PTPRM: variants seen among roughly 807,000 people sequenced by gnomAD.
PTPRM encodes the protein protein tyrosine phosphatase receptor type M, also known as receptor-type tyrosine-protein phosphatase mu.
A neutral mutation model predicts 186.7 loss-of-function variants in PTPRM; 47 were observed. The observed-to-expected ratio is 0.25, with a 90% confidence interval of 0.20 to 0.32. The LOEUF (loss-of-function observed/expected upper bound fraction) is 0.32. Ranked by LOEUF, PTPRM falls within the 10% of genes least tolerant of loss-of-function variation. The pLI, the probability that PTPRM is intolerant of heterozygous loss-of-function variation, is 1.00. For synonymous variants in PTPRM, 668 were observed against 674.9 expected (o/e 0.99, Z 0.16); for missense variants, 1,494 against 1,865.0 (o/e 0.80, Z 3.66).
chr18:7,567,946 C>G lies in PTPRM; in HGVS notation c.73+55C>G, dbSNP rs1245718383. On this transcript the variant is annotated intron_variant, in intron 1 of 32. Transcript: ENST00000580170. The surrounding 1 kb of genome is among the most constrained non-coding windows in gnomAD (Gnocchi z 4.3). ...GGCGCGCGGGCCGGCGCGGGACGCCCGGGACGCCGACAGCTCCCTGGTGGT... is the reference window on the plus strand; with the variant it reads ...GGCGCGCGGGCCGGCGCGGGACGCCGGGGACGCCGACAGCTCCCTGGTGGT... 3.3e-6 allele frequency: 5 copies of G among 1,494,838 alleles called. No homozygotes were observed. The highest frequency in any genetic ancestry group is 4.4e-6 in the Non-Finnish European group (5 of 1,128,458). The allele number at this position is 1,494,838 out of a possible 1,614,324, so 92.6% of individuals were successfully genotyped here.
chr18:8,062,095 C>T (rs2088580311), intron 7 of PTPRM, among the ~76,000 whole-genome samples: 1 of 57,438 alleles, frequency 1.7e-5, no homozygotes, highest in Non-Finnish European at 3.5e-5. Context: ...TCAGGTACAC[C>T]AATCAGACGT....
intron 6 of PTPRM, among the ~76,000 whole-genome samples, chr18:7,951,642 A>C (rs1197523628): frequency 6.6e-6 from 1 of 152,190 alleles, no homozygotes; most frequent in African/African-American, 2.4e-5. Flanking sequence ...GCACACTGCC[A>C]CAGCTCATGA....
At chr18:8,028,726 G>A (rs2085739707) in intron 7 of PTPRM, among the ~76,000 whole-genome samples, 1 of 152,164 alleles carries the variant, frequency 6.6e-6, no homozygotes, top group African/African-American at 2.4e-5. Context: ...ACTAGTCTGG[G>A]TAAAAGAAGA....
intron 14 of PTPRM, among the ~76,000 whole-genome samples, chr18:8,198,459 C>T (rs372794247): frequency 2.6e-5 from 4 of 152,066 alleles, no homozygotes; most frequent in East Asian, 3.9e-4. Flanking sequence ...AAAATTTTGC[C>T]GCTGATTTTT....
intron 2 of PTPRM, among the ~76,000 whole-genome samples, chr18:7,842,879 T>C (rs2046401796): frequency 1.2e-5 from 1 of 85,788 alleles, no homozygotes; most frequent in Non-Finnish European, 2.4e-5. Context: ...TATATATGTT[T>C]CTCGTGTGTA....
intron 1 of PTPRM, among the ~76,000 whole-genome samples, chr18:7,606,876 C>T (rs1334643810): frequency 1.3e-5 from 2 of 152,054 alleles, no homozygotes; most frequent in Admixed American, 1.3e-4. Context: ...CCCTGAATTC[C>T]CCAAAAAGCA....
chr18:7,608,769 G>A (rs749490938), intron 1 of PTPRM, among the ~76,000 whole-genome samples: 7 of 152,140 alleles, frequency 4.6e-5, no homozygotes, highest in Non-Finnish European at 8.8e-5. Context: ...AGCTGTCTTC[G>A]GGAAGCTGGA....
At chr18:7,791,725 C>G (rs1026475915) in intron 2 of PTPRM, among the ~76,000 whole-genome samples, 5 of 152,056 alleles carry the variant, frequency 3.3e-5, no homozygotes, top group African/African-American at 1.2e-4. Flanking sequence ...TAAAATGGTC[C>G]TGGTAAATTA....
At chr18:8,156,005 C>T (rs1240660842) in intron 14 of PTPRM, among the ~76,000 whole-genome samples, 1 of 152,212 alleles carries the variant, frequency 6.6e-6, no homozygotes, top group African/African-American at 2.4e-5. Flanking sequence ...TTGCCTAGCA[C>T]ATACTTTGGC....
At chr18:7,943,903 A>G (rs1349816278) in intron 5 of PTPRM, among the ~76,000 whole-genome samples, 7 of 152,166 alleles carry the variant, frequency 4.6e-5, no homozygotes, top group Admixed American at 3.9e-4. Flanking sequence ...GTAAGGTAAC[A>G]TAGTCCCAGA....
chr18:7,965,212 A>G (rs1283505208), intron 7 of PTPRM, among the ~76,000 whole-genome samples: 5 of 151,996 alleles, frequency 3.3e-5, no homozygotes, highest in South Asian at 2.1e-4. Flanking sequence ...CGCCCAGCTA[A>G]TATTTTTGTA....
chr18:8,231,006 C>G (rs908981806), intron 14 of PTPRM, among the ~76,000 whole-genome samples: 2 of 152,188 alleles, frequency 1.3e-5, no homozygotes, highest in Admixed American at 1.3e-4. Context: ...AGTCTAAGCA[C>G]ACACGTAATT....
intron 1 of PTPRM, among the ~76,000 whole-genome samples, chr18:7,717,261 G>C (rs1486661260): frequency 6.6e-6 from 1 of 152,010 alleles, no homozygotes; most frequent in African/African-American, 2.4e-5. Context: ...CCCATCCTCT[G>C]CCCGTAAAAA....
At chr18:8,143,480 C>T (rs747926645) in intron 13 of PTPRM, among the ~76,000 whole-genome samples, 167 bp from the exon 14 acceptor site, 4 of 152,152 alleles carry the variant, frequency 2.6e-5, no homozygotes, top group East Asian at 1.9e-4. Flanking sequence ...TGAACAATTA[C>T]GCTGCTTTCA....
At chr18:7,992,055 AT>A (rs2083294231) in intron 7 of PTPRM, among the ~76,000 whole-genome samples, 1 of 152,196 alleles carries the variant, frequency 6.6e-6, no homozygotes, top group Non-Finnish European at 1.5e-5. Flanking sequence ...CTGTGACTCC[AT>A]TAAGGAACAA....
intron 1 of PTPRM, among the ~76,000 whole-genome samples, chr18:7,666,301 A>T (rs1395194957): frequency 6.6e-6 from 1 of 151,824 alleles, no homozygotes; most frequent in Admixed American, 6.6e-5. Flanking sequence ...AAAGACCTGG[A>T]TTCTTGCTTG....
chr18:8,331,405 C>T (rs558662200), intron 22 of PTPRM, among the ~76,000 whole-genome samples: 3 of 152,242 alleles, frequency 2.0e-5, no homozygotes, highest in South Asian at 2.1e-4. Flanking sequence ...CATATACAAC[C>T]ATGTTTTATG....
intron 14 of PTPRM, among the ~76,000 whole-genome samples, chr18:8,160,729 T>C (rs1052391238): frequency 6.6e-6 from 1 of 152,232 alleles, no homozygotes; most frequent in Non-Finnish European, 1.5e-5. Context: ...TAGTAATTTA[T>C]TCAGGACTTA....
chr18:7,622,717 C>T (rs2037969616), intron 1 of PTPRM, among the ~76,000 whole-genome samples: 1 of 152,120 alleles, frequency 6.6e-6, no homozygotes. Context: ...AATGACGTCC[C>T]TGCTGAAGTC....
Sources: allele counts gnomAD v4.1 joint callset (sites outside exome capture counted in the v4.1 genomes callset), GRCh38; gene constraint gnomAD v4.1.1; non-coding constraint Gnocchi (gnomAD v3.1); transcripts MANE v1.5; gene names NCBI Gene and HGNC (gene_info 2026-07-23, HGNC 2026-07-21).